SLC38A12: variants seen among roughly 807,000 people sequenced by gnomAD.
The protein encoded by SLC38A12 is solute carrier family 38 member 12.
chr17:74,836,014 T>A, the SLC38A12 span: 1 of 1,611,346 alleles, frequency 6.2e-7, no homozygotes, highest in Non-Finnish European at 8.5e-7. This position sits in a 1 kb window ranked among gnomAD's most constrained non-coding sequence, Gnocchi z 4.2. Flanking sequence ...TTCTCGGGGG[T>A]CCGGAACCTG....
chr17:74,805,848 C>T, the SLC38A12 span, among the ~76,000 whole-genome samples: 3 of 152,192 alleles, frequency 2.0e-5, no homozygotes, highest in African/African-American at 7.2e-5. This position sits in a 1 kb window ranked among gnomAD's most constrained non-coding sequence, Gnocchi z 5.0. Context: ...CAAGTGATCG[C>T]CTGGCACCTC....
the SLC38A12 span, among the ~76,000 whole-genome samples, chr17:74,799,257 A>G: frequency 5.3e-5 from 8 of 152,366 alleles, no homozygotes; most frequent in South Asian, 1.7e-3. Context: ...ACAGGTGGAC[A>G]GATGCTGCTG....
chr17:74,804,632 C>G, the SLC38A12 span, among the ~76,000 whole-genome samples: 1 of 152,196 alleles, frequency 6.6e-6, no homozygotes, highest in African/African-American at 2.4e-5. Context: ...CAGCAGATAC[C>G]CCATGTGAGT....
At chr17:74,805,768 C>T in the SLC38A12 span, among the ~76,000 whole-genome samples, 1 of 152,196 alleles carries the variant, frequency 6.6e-6, no homozygotes, top group African/African-American at 2.4e-5. The surrounding 1 kb of genome is among the most constrained non-coding windows in gnomAD (Gnocchi z 5.0). Flanking sequence ...CCTGCTGGAG[C>T]GTTCCCACTG....
the SLC38A12 span, among the ~76,000 whole-genome samples, chr17:74,799,757 A>G: frequency 6.6e-6 from 1 of 152,184 alleles, no homozygotes; most frequent in African/African-American, 2.4e-5. Context: ...TCACATGGCA[A>G]CACTGGCCTT....
chr17:74,791,365 A>G, the SLC38A12 span, among the ~76,000 whole-genome samples: 1 of 137,714 alleles, frequency 7.3e-6, no homozygotes, highest in Admixed American at 6.8e-5. Context: ...GAGGTCAGGA[A>G]CCCCAGGCAG....
chr17:74,835,834 G>A, the SLC38A12 span: 1 of 1,505,978 alleles, frequency 6.6e-7, no homozygotes, highest in Non-Finnish European at 8.8e-7. Context: ...TTCTCACAGG[G>A]CTCTAGTCCC....
the SLC38A12 span, among the ~76,000 whole-genome samples, chr17:74,824,433 C>T: frequency 1.3e-5 from 2 of 152,112 alleles, no homozygotes; most frequent in African/African-American, 2.4e-5. Context: ...GCACCTAAGC[C>T]GATGGCGGGA....
the SLC38A12 span, chr17:74,795,479 A>G: frequency 0.87 from 1,369,828 of 1,574,336 alleles, 597,642 homozygotes; most frequent in Non-Finnish European, 0.89. Context: ...CAGCCCAGCC[A>G]GGCGGCCTCG....
the SLC38A12 span, among the ~76,000 whole-genome samples, chr17:74,828,008 T>C: frequency 6.6e-6 from 1 of 152,210 alleles, no homozygotes; most frequent in East Asian, 1.9e-4. Context: ...CCCCTAGTCC[T>C]GTTCCCCGCC....
At chr17:74,836,944 A>C in the SLC38A12 span, 8 of 1,292,478 alleles carry the variant, frequency 6.2e-6, no homozygotes, top group East Asian at 3.2e-5. This position sits in a 1 kb window ranked among gnomAD's most constrained non-coding sequence, Gnocchi z 4.2. Flanking sequence ...AAGTTCTAAG[A>C]CTCATTACTG....
At chr17:74,831,649 C>A in the SLC38A12 span, among the ~76,000 whole-genome samples, 1 of 152,212 alleles carries the variant, frequency 6.6e-6, no homozygotes, top group Non-Finnish European at 1.5e-5. Flanking sequence ...GATGTGGATG[C>A]GGATGTTCTG....
At chr17:74,798,856 T>C in the SLC38A12 span, among the ~76,000 whole-genome samples, 2 of 152,054 alleles carry the variant, frequency 1.3e-5, no homozygotes, top group South Asian at 4.1e-4. Context: ...CAGGATTCTT[T>C]CTGCAGTTTC....
chr17:74,790,776 A>T, the SLC38A12 span, among the ~76,000 whole-genome samples: 4 of 151,684 alleles, frequency 2.6e-5, no homozygotes, highest in East Asian at 3.9e-4. Context: ...TTCCCTTAAA[A>T]AAAAAAAAAA....
chr17:74,831,990 C>T, the SLC38A12 span, among the ~76,000 whole-genome samples: 2 of 152,352 alleles, frequency 1.3e-5, no homozygotes, highest in African/African-American at 4.8e-5. Context: ...GAGCAGCTGT[C>T]TCCCAGGGAT....
chr17:74,822,200 A>G, the SLC38A12 span, among the ~76,000 whole-genome samples: 1 of 152,216 alleles, frequency 6.6e-6, no homozygotes, highest in Admixed American at 6.5e-5. Context: ...GGAGAAGCCA[A>G]ATTCTGTGGC....
At chr17:74,802,689 A>G in the SLC38A12 span, among the ~76,000 whole-genome samples, 1 of 152,346 alleles carries the variant, frequency 6.6e-6, no homozygotes, top group African/African-American at 2.4e-5. Context: ...AAAATCCAAA[A>G]TATTCCAGTG....
chr17:74,782,903 G>A, the SLC38A12 span, among the ~76,000 whole-genome samples: 1 of 152,338 alleles, frequency 6.6e-6, no homozygotes, highest in South Asian at 2.1e-4. Flanking sequence ...GTCGAGGAGG[G>A]TGGATCATCT....
chr17:74,796,334 C>T, the SLC38A12 span, among the ~76,000 whole-genome samples: 2 of 152,228 alleles, frequency 1.3e-5, no homozygotes, highest in African/African-American at 4.8e-5. Flanking sequence ...CCTCTTGGTC[C>T]TCCTCAGCCC....
Sources: allele counts gnomAD v4.1 joint callset (sites outside exome capture counted in the v4.1 genomes callset), GRCh38; gene constraint gnomAD v4.1.1; non-coding constraint Gnocchi (gnomAD v3.1); transcripts MANE v1.5; gene names NCBI Gene and HGNC (gene_info 2026-07-23, HGNC 2026-07-21).